Variants in TENM2 observed in about 807,000 individuals in gnomAD.
TENM2 encodes the protein teneurin transmembrane protein 2.
A neutral mutation model predicts 245.2 loss-of-function variants in TENM2; 52 were observed. That is an observed-to-expected ratio of 0.21 (90% confidence interval 0.17 to 0.27). TENM2 has a LOEUF of 0.27. Among genes scored for constraint, TENM2 ranks in the 10% least tolerant of loss-of-function variants. TENM2 has a pLI of 1.00. For missense variants in TENM2, 3,046 were observed against 3,666.8 expected (o/e 0.83, Z 4.37); for synonymous variants, 1,363 against 1,438.9 (o/e 0.95, Z 1.19).
chr5:167,432,092 AC>A (rs1764289894), intron 2 of TENM2, among the ~76,000 whole-genome samples: 4 of 148,862 alleles, frequency 2.7e-5, no homozygotes, highest in African/African-American at 7.5e-5. Context: ...TGCAGTAAAA[AC>A]CCCCCTGGAA....
exon 12 of TENM2, chr5:168,126,788 C>A (rs1453099195): frequency 6.2e-7 from 1 of 1,613,178 alleles, no homozygotes; most frequent in Admixed American, 1.7e-5. Flanking sequence ...CTCACGGCGT[C>A]TGCATCGGGG....
intron 2 of TENM2, among the ~76,000 whole-genome samples, chr5:167,863,485 A>G (rs1772018320): frequency 1.3e-5 from 2 of 151,664 alleles, no homozygotes; most frequent in South Asian, 4.2e-4. Context: ...ACACACACAC[A>G]CACACAAAAT....
chr5:167,792,558 C>T (rs763341153), intron 2 of TENM2, among the ~76,000 whole-genome samples: 1 of 151,998 alleles, frequency 6.6e-6, no homozygotes, highest in African/African-American at 2.4e-5. Context: ...CTGTCCACCT[C>T]ACTGACTATA....
intron 2 of TENM2, among the ~76,000 whole-genome samples, chr5:167,691,408 G>T (rs1366265379): frequency 2.0e-5 from 3 of 152,178 alleles, no homozygotes; most frequent in Non-Finnish European, 4.4e-5. Flanking sequence ...AGTTTCAAGG[G>T]AAGGAAGTAG....
intron 2 of TENM2, among the ~76,000 whole-genome samples, chr5:167,863,311 A>C (rs1295009328): frequency 1.3e-5 from 2 of 152,138 alleles, no homozygotes; most frequent in African/African-American, 4.8e-5. Flanking sequence ...ATGTCATCAC[A>C]TTTCTTTAAA....
At chr5:168,047,345 A>T (rs1788694846) in intron 5 of TENM2, 82 bp from the exon 8 acceptor site, 1 of 1,502,198 alleles carries the variant, frequency 6.7e-7, no homozygotes, top group Non-Finnish European at 9.1e-7. Flanking sequence ...AATCGCTTGG[A>T]AAAGGGCACC....
the TENM2 span, among the ~76,000 whole-genome samples, chr5:167,062,230 A>G: frequency 6.6e-6 from 1 of 152,232 alleles, no homozygotes; most frequent in South Asian, 2.1e-4. Flanking sequence ...GTTGCTCTTT[A>G]TCTTCTTTAG....
chr5:167,134,002 A>C, the TENM2 span, among the ~76,000 whole-genome samples: 51 of 152,322 alleles, frequency 3.3e-4, no homozygotes, highest in African/African-American at 1.2e-3. Context: ...ACAGCAGACC[A>C]CAGAGGTAGA....
chr5:168,107,555 TG>T (rs5873090), intron 9 of TENM2, among the ~76,000 whole-genome samples: 62,272 of 150,920 alleles, frequency 0.41, 13,980 homozygotes, highest in East Asian at 0.93. Context: ...GCAAGCCTCC[TG>T]GGGGGGGGGT....
chr5:167,366,728 C>T (rs1376238320), intron 1 of TENM2, among the ~76,000 whole-genome samples: 1 of 152,104 alleles, frequency 6.6e-6, no homozygotes, highest in East Asian at 1.9e-4. Context: ...TTGAAGCCTT[C>T]AGTAACTGTA....
chr5:167,845,560 G>T (rs1769970985), intron 2 of TENM2, among the ~76,000 whole-genome samples: 1 of 152,018 alleles, frequency 6.6e-6, no homozygotes, highest in African/African-American at 2.4e-5. Flanking sequence ...TGTTGGGCAG[G>T]TCACATAGAT....
At chr5:167,925,529 C>T (rs1301313345) in intron 3 of TENM2, among the ~76,000 whole-genome samples, 1 of 152,184 alleles carries the variant, frequency 6.6e-6, no homozygotes, top group Non-Finnish European at 1.5e-5. Flanking sequence ...GTTCAACCAT[C>T]ATGGAAAGCA....
At chr5:167,071,156 AT>A in the TENM2 span, among the ~76,000 whole-genome samples, 1 of 152,188 alleles carries the variant, frequency 6.6e-6, no homozygotes, top group Non-Finnish European at 1.5e-5. Context: ...ATTCCTAATT[AT>A]AAAGGTAATT....
the TENM2 span, among the ~76,000 whole-genome samples, chr5:167,245,548 C>A: frequency 6.8e-6 from 1 of 148,124 alleles, no homozygotes; most frequent in East Asian, 2.0e-4. Flanking sequence ...AGGAAATGAA[C>A]AGAACAGTAT....
the TENM2 span, among the ~76,000 whole-genome samples, chr5:167,050,219 T>A: frequency 1.3e-5 from 2 of 152,124 alleles, no homozygotes; most frequent in African/African-American, 4.8e-5. Context: ...GAGCAGCAGG[T>A]AAGCTAGAAT....
intron 1 of TENM2, among the ~76,000 whole-genome samples, chr5:167,289,547 A>G (rs1754520999): frequency 1.3e-5 from 2 of 152,212 alleles, no homozygotes; most frequent in South Asian, 4.1e-4. Flanking sequence ...CCTACCGGCT[A>G]TTTGATGTGC....
At chr5:167,698,239 A>G (rs1366879921) in intron 2 of TENM2, among the ~76,000 whole-genome samples, 2 of 152,180 alleles carry the variant, frequency 1.3e-5, no homozygotes, top group African/African-American at 4.8e-5. Flanking sequence ...CTTTCCGGTC[A>G]AAGTACTGCA....
chr5:167,220,193 CTCTT>C, the TENM2 span, among the ~76,000 whole-genome samples: 24 of 152,234 alleles, frequency 1.6e-4, no homozygotes, highest in Middle Eastern at 3.4e-3. Context: ...TAGAAGATAC[CTCTT>C]TCTTAAGAGG....
At chr5:167,619,776 A>G (rs1274548661) in intron 2 of TENM2, among the ~76,000 whole-genome samples, 8 of 152,166 alleles carry the variant, frequency 5.3e-5, no homozygotes, top group Non-Finnish European at 1.2e-4. Context: ...GGCTCTTGTT[A>G]GCCTTAAGCA....
Sources: allele counts gnomAD v4.1 joint callset (sites outside exome capture counted in the v4.1 genomes callset), GRCh38; gene constraint gnomAD v4.1.1; transcripts MANE v1.5; gene names NCBI Gene and HGNC (gene_info 2026-07-23, HGNC 2026-07-21).